Variants in LRBA observed in about 807,000 individuals in gnomAD.
LRBA encodes the protein lipopolysaccharide-responsive and beige-like anchor protein.
In LRBA, 176 loss-of-function variants were observed where a neutral mutation model predicts 330.0. The observed-to-expected ratio is 0.53, with a 90% CI of 0.47 to 0.60. The LOEUF is 0.60. Ranked by LOEUF, LRBA falls within the 20% of genes least tolerant of loss-of-function variation. The pLI, the probability that LRBA is intolerant of heterozygous loss-of-function variation, is 0.00. For synonymous variants in LRBA, 1,230 were observed against 1,193.0 expected, an observed-to-expected ratio of 1.03 and a Z score of -0.64; for missense variants, 3,259 against 3,444.8, an observed-to-expected ratio of 0.95 and a Z score of 1.35.
intron 40 of LRBA, among the ~76,000 whole-genome samples, chr4:150,518,331 T>C (rs998953532): frequency 1.3e-5 from 2 of 152,218 alleles, no homozygotes; most frequent in African/African-American, 4.8e-5. Context: ...GATTTCATCA[T>C]GCTACTCAGA....
intron 36 of LRBA, among the ~76,000 whole-genome samples, chr4:150,711,637 A>G (rs577637231): frequency 6.6e-6 from 1 of 152,310 alleles, no homozygotes; most frequent in African/African-American, 2.4e-5. Context: ...ATTTAGTAAG[A>G]TTCACTACCT....
intron 44 of LRBA, among the ~76,000 whole-genome samples, chr4:150,466,360 T>C (rs556069339): frequency 1.3e-5 from 2 of 152,206 alleles, no homozygotes; most frequent in South Asian, 2.1e-4. Context: ...CTTCTCATGC[T>C]GGGATCTGCA....
intron 44 of LRBA, among the ~76,000 whole-genome samples, chr4:150,447,062 A>G (rs1310771045): frequency 6.6e-6 from 1 of 152,206 alleles, no homozygotes; most frequent in Non-Finnish European, 1.5e-5. Flanking sequence ...ATAGCTGGAC[A>G]GGGTTTTGGG....
chr4:150,985,360 T>C (rs1741330459), intron 2 of LRBA, among the ~76,000 whole-genome samples: 1 of 151,900 alleles, frequency 6.6e-6, no homozygotes. Context: ...ATGGAACTAG[T>C]AAAATCAAAA....
At chr4:150,469,828 T>C (rs1279261635) in intron 43 of LRBA, among the ~76,000 whole-genome samples, 1 of 152,156 alleles carries the variant, frequency 6.6e-6, no homozygotes, top group Non-Finnish European at 1.5e-5. Flanking sequence ...TCTTCTCTCC[T>C]CCTCTTACAT....
At chr4:150,996,326 T>C (rs1224843830) in intron 2 of LRBA, among the ~76,000 whole-genome samples, 1 of 152,182 alleles carries the variant, frequency 6.6e-6, no homozygotes, top group East Asian at 1.9e-4. Flanking sequence ...AGCAAAATAG[T>C]ACTACTCTGA....
intron 56 of LRBA, among the ~76,000 whole-genome samples, chr4:150,271,915 G>A (rs780498701): frequency 2.6e-5 from 4 of 152,170 alleles, no homozygotes; most frequent in Non-Finnish European, 5.9e-5. Context: ...CTGGGGGAAG[G>A]GGCAGCTGTG....
Position 150,265,812 on chromosome 4 carries a change from C to G in LRBA, c.8469G>C (p.Arg2823Ser), listed in dbSNP as rs1475786670. 4 of 1,600,018 alleles carry G rather than the reference C, an allele frequency of 2.5e-6. No individual in the cohort carries two copies. In the South Asian group the frequency reaches 4.4e-5, roughly 18 times the overall value. ...CTGAAGCCATGCCAGAAATGATGCA[C>G]CTAGGAGAAGCACAGAGAGAAGGAC... ...IRAMALSYDQ[R>S]CIISGMASGS... is the part of the protein sequence containing the mutation. The change falls in exon 57 of 57, where the codon AGG (arginine) becomes AGC (serine). Residue 2823 changes from arginine (R) to serine (S), a missense_variant and splice_region_variant. Coordinates refer to ENST00000651943, the MANE Select transcript of LRBA (RefSeq NM_001364905.1).
Position 150,423,333 on chromosome 4 carries a change from G to A in LRBA, c.7042-7743C>T, listed in dbSNP as rs959204336. ...CCTCTCCCTGGGGGACGAGCTCTGC[G>A]GACTGTGAGGAGGCGTCAAGGGTCT... On this transcript the variant is annotated intron_variant, in intron 46 of 56. Coordinates refer to ENST00000651943, the MANE Select transcript of LRBA (RefSeq NM_001364905.1). The A allele has an allele frequency of 4.1e-5, 29 of 712,718 alleles. No individual in the cohort carries two copies. In the Middle Eastern group the frequency reaches 7.5e-4, roughly 18 times the overall value. 44.1% of individuals were successfully genotyped at this position (712,718 alleles called of 1,614,324 possible).
intron 40 of LRBA, among the ~76,000 whole-genome samples, chr4:150,504,552 T>C (rs1050597667): frequency 2.0e-5 from 3 of 152,198 alleles, no homozygotes; most frequent in African/African-American, 2.4e-5. Context: ...CTGAGAGATT[T>C]TGTCACCACC....
At chr4:150,288,451 T>C (rs1349113629) in intron 53 of LRBA, among the ~76,000 whole-genome samples, 1 of 152,042 alleles carries the variant, frequency 6.6e-6, no homozygotes, top group African/African-American at 2.4e-5. Context: ...CTACTAAAAA[T>C]ACAAAAAATT....
intron 2 of LRBA, among the ~76,000 whole-genome samples, chr4:150,947,639 C>G (rs1483866897): frequency 2.6e-5 from 4 of 152,064 alleles, no homozygotes; most frequent in African/African-American, 9.7e-5. Context: ...AAGACATGCA[C>G]TCTCACTACT....
intron 40 of LRBA, among the ~76,000 whole-genome samples, chr4:150,510,117 G>A (rs933949996): frequency 2.6e-5 from 4 of 152,106 alleles, no homozygotes; most frequent in Admixed American, 2.6e-4. Flanking sequence ...TCCAGCCTGG[G>A]CGGCAGAGTG....
chr4:150,347,668 TA>T (rs1250410702), intron 48 of LRBA, among the ~76,000 whole-genome samples: 2 of 149,338 alleles, frequency 1.3e-5, no homozygotes, highest in African/African-American at 4.9e-5. Flanking sequence ...AAAACAAAGG[TA>T]AAAATGTTCA....
chr4:150,737,865 C>A (rs1040346264), intron 35 of LRBA, among the ~76,000 whole-genome samples: 1 of 151,906 alleles, frequency 6.6e-6, no homozygotes, highest in Non-Finnish European at 1.5e-5. Context: ...ACTTACTGTT[C>A]ACAAAATCAT....
At chr4:150,386,637 T>A (rs1743109004) in intron 47 of LRBA, among the ~76,000 whole-genome samples, 1 of 152,170 alleles carries the variant, frequency 6.6e-6, no homozygotes, top group Non-Finnish European at 1.5e-5. Context: ...ATGGAGTATA[T>A]GTACCACATT....
intron 37 of LRBA, among the ~76,000 whole-genome samples, chr4:150,630,841 C>G (rs768995342): frequency 1.3e-5 from 2 of 151,992 alleles, no homozygotes; most frequent in Non-Finnish European, 2.9e-5. Context: ...GAAAAACATA[C>G]TATGGAAAGA....
At chr4:150,734,897 G>A (rs931347298) in intron 36 of LRBA, among the ~76,000 whole-genome samples, 10 of 152,134 alleles carry the variant, frequency 6.6e-5, no homozygotes, top group Non-Finnish European at 1.2e-4. Context: ...CTTTGCCATA[G>A]AGATTTTCAT....
At chr4:150,693,407 CA>C (rs897720823) in intron 36 of LRBA, among the ~76,000 whole-genome samples, 1 of 150,148 alleles carries the variant, frequency 6.7e-6, no homozygotes, top group Non-Finnish European at 1.5e-5. Flanking sequence ...ACTAAAAATA[CA>C]AAAAAATTAG....
Sources: gnomAD v4.1 joint callset for allele counts (sites outside exome capture counted in the v4.1 genomes callset) on GRCh38, gnomAD v4.1.1 for gene constraint, MANE v1.5 for transcripts, NCBI Gene and HGNC (gene_info 2026-07-23, HGNC 2026-07-21) for gene names.